Variants in PSMG2 observed in about 807,000 individuals in gnomAD.
PSMG2 encodes the protein proteasome assembly chaperone 2.
A neutral mutation model predicts 31.5 loss-of-function variants in PSMG2; 21 were observed. The observed-to-expected ratio is 0.67, with a 90% CI of 0.47 to 0.96. The LOEUF is 0.96. Among genes scored for constraint, PSMG2 ranks in the 40% least tolerant of loss-of-function variants. The pLI, the probability that PSMG2 is intolerant of heterozygous loss-of-function variation, is 0.00. For missense variants in PSMG2, 318 were observed against 321.2 expected, an observed-to-expected ratio of 0.99 and a Z score of 0.08; for synonymous variants, 120 against 110.4, an observed-to-expected ratio of 1.09 and a Z score of -0.54.
chr18:12,725,229 C>T (rs2040465328), intron 6 of PSMG2, among the ~76,000 whole-genome samples: 1 of 152,032 alleles, frequency 6.6e-6, no homozygotes, highest in Non-Finnish European at 1.5e-5. Flanking sequence ...TCATCTACAG[C>T]CTTTCTGGCA....
chr18:12,684,399 GCCAC>G (rs1284497136), intron 1 of PSMG2: 1 of 151,788 alleles, frequency 6.6e-6, no homozygotes, highest in Admixed American at 6.6e-5. Context: ...GCGGGCATGA[GCCAC>G]CATGCCTGGC....
chr18:12,666,441 T>G (rs900665043), intron 1 of PSMG2, among the ~76,000 whole-genome samples: 3 of 148,898 alleles, frequency 2.0e-5, no homozygotes, highest in East Asian at 2.0e-4. Context: ...TTATGGTTTT[T>G]TTTTTTTTTT....
chr18:12,686,724 C>T (rs1449445267), intron 1 of PSMG2: 1 of 267,784 alleles, frequency 3.7e-6, no homozygotes, highest in East Asian at 9.0e-5. Context: ...AAGGCTGTGG[C>T]AATAAGAACT....
chr18:12,701,441 G>A (rs1254204470), upstream of PSMG2, among the ~76,000 whole-genome samples: 1 of 152,104 alleles, frequency 6.6e-6, no homozygotes, highest in Non-Finnish European at 1.5e-5. Context: ...ACTTTGATCT[G>A]CCTAATGATA....
chr18:12,692,723 G>T (rs966288270), intron 1 of PSMG2, among the ~76,000 whole-genome samples: 8 of 152,216 alleles, frequency 5.3e-5, no homozygotes, highest in Admixed American at 3.9e-4. Context: ...TTGAGAGCAA[G>T]CTGTCTAGCT....
At chr18:12,672,942 T>C in intron 1 of PSMG2, 4 of 982,456 alleles carry the variant, frequency 4.1e-6, no homozygotes, top group Non-Finnish European at 4.8e-6. Context: ...GAGGTTAATT[T>C]CTCCTAATCT....
rs190851718 is a variant in PSMG2 at position 12,716,128 on chromosome 18, T to A, written c.289-2389T>A. 6.8e-3 allele frequency among the ~76,000 whole-genome samples: 1,039 copies of A among 152,346 alleles called. 6 individuals carry two copies. Among genetic ancestry groups the A allele is most frequent in the Non-Finnish European group, 0.011 (716 of 68,032 alleles). ...GTTAAGTTGTATACATAAGCCATAA[T>A]TTTTCCATGGTACTTTTGATGCTAC... On this transcript the variant is annotated intron_variant, in intron 3 of 6. Coordinates refer to ENST00000317615, the MANE Select transcript of PSMG2 (RefSeq NM_020232.5).
At chr18:12,723,287 G>A (rs2040447569) in intron 5 of PSMG2, among the ~76,000 whole-genome samples, 2 of 151,798 alleles carry the variant, frequency 1.3e-5, no homozygotes, top group African/African-American at 4.8e-5. Context: ...TGCATTTATT[G>A]GCAAGCAGGA....
upstream of PSMG2, chr18:12,698,782 T>C (rs367640626): frequency 9.1e-5 from 52 of 569,692 alleles, no homozygotes; most frequent in East Asian, 5.4e-4. Flanking sequence ...CAAAAAATAA[T>C]ATCCAGGGAA....
Position 12,715,943 on chromosome 18 carries a change from T to A in PSMG2, c.289-2574T>A, listed in dbSNP as rs555091599. 3.9e-5 allele frequency among the ~76,000 whole-genome samples: 6 copies of A among 152,360 alleles called. No individual in the cohort carries two copies. In the South Asian group the frequency reaches 1.2e-3, roughly 32 times the overall value. ...ATCAAGACATAGAGCATTGTCAGCA[T>A]TCCAGAGGACCCCATAATGCGTCCT... On this transcript the variant is annotated intron_variant, in intron 3 of 6. Transcript: ENST00000317615.
upstream of PSMG2, among the ~76,000 whole-genome samples, chr18:12,699,440 G>C (rs1436862970): frequency 1.3e-5 from 2 of 152,120 alleles, no homozygotes; most frequent in Non-Finnish European, 2.9e-5. Flanking sequence ...CTCCCAGCTG[G>C]AAAAGGCATC....
intron 1 of PSMG2, chr18:12,686,628 G>A (rs539827178): frequency 1.8e-5 from 8 of 456,106 alleles, no homozygotes; most frequent in African/African-American, 1.0e-4. Context: ...CCTCATCTCC[G>A]TTATTTTCAT....
chr18:12,662,612 CA>C (rs747224529), intron 1 of PSMG2, among the ~76,000 whole-genome samples: 5 of 152,024 alleles, frequency 3.3e-5, no homozygotes, highest in African/African-American at 4.8e-5. Flanking sequence ...TCCATCTCTA[CA>C]AAAAATACAA....
At chr18:12,709,357 C>A (rs2040305257) in intron 2 of PSMG2, among the ~76,000 whole-genome samples, 1 of 151,066 alleles carries the variant, frequency 6.6e-6, no homozygotes, top group Non-Finnish European at 1.5e-5. Flanking sequence ...GATGGAGTCT[C>A]ACTCCGTCAC....
In PSMG2 at chr18:12,703,075, C is replaced by G; in HGVS notation, c.-33C>G. ...GCTGCCCTCGTTCTTGCCAGGGCCG[C>G]GGTTAGTCCCTGCTGGCCACCCCAC... On this transcript the variant is annotated 5_prime_UTR_variant, in exon 1 of 7. Transcript: ENST00000317615. The G allele has an allele frequency of 6.2e-7, 1 of 1,606,788 alleles. No homozygotes were observed. The highest frequency in any genetic ancestry group is 8.5e-7 in the Non-Finnish European group (1 of 1,177,074).
intron 1 of PSMG2, among the ~76,000 whole-genome samples, chr18:12,672,083 G>A (rs929246147): frequency 6.6e-6 from 1 of 150,738 alleles, no homozygotes; most frequent in African/African-American, 2.4e-5. Context: ...CTCCCAAAGT[G>A]CTGGCATTAC....
At position 12,666,106 on chromosome 18, in the gene PSMG2, C is replaced by T. The variant is rs567912638; in HGVS notation, c.-37+7333C>T. 2.8e-4 allele frequency among the ~76,000 whole-genome samples: 41 copies of T among 147,480 alleles called. 1 individual carries two copies. Among genetic ancestry groups the T allele is most frequent in the African/African-American group, 9.8e-4 (39 of 39,648 alleles). The stretch of plus-strand genomic sequence containing the variant: ...CTGAGACAGGAGGAATGCTTGATGC[C>T]AGAAGTTCAAGACCAGACTGAGCAA... On this transcript the variant is annotated intron_variant, in intron 1 of 6. Coordinates refer to the PSMG2 transcript ENST00000585331.
At chr18:12,713,028 G>A (rs189209295) in intron 3 of PSMG2, among the ~76,000 whole-genome samples, 16 of 152,086 alleles carry the variant, frequency 1.1e-4, no homozygotes, top group African/African-American at 3.9e-4. Flanking sequence ...TAATATTAGA[G>A]GTTTATTCCA....
chr18:12,674,985 T>G (rs966034221), intron 1 of PSMG2, among the ~76,000 whole-genome samples: 1 of 152,132 alleles, frequency 6.6e-6, no homozygotes, highest in Non-Finnish European at 1.5e-5. Context: ...TTCAAAACAA[T>G]GTTCACAAAG....
Sources: gnomAD v4.1 joint callset for allele counts (sites outside exome capture counted in the v4.1 genomes callset) on GRCh38, gnomAD v4.1.1 for gene constraint, MANE v1.5 for transcripts, NCBI Gene and HGNC (gene_info 2026-07-23, HGNC 2026-07-21) for gene names.